The following CAP2 variants were observed in gnomAD, a reference collection of about 807,000 sequenced individuals.
The protein encoded by CAP2 is adenylyl cyclase-associated protein 2.
Under a neutral mutation model 57.7 loss-of-function variants are expected in CAP2, and 24 were observed. The ratio of observed to expected loss-of-function variants is 0.42; its 90% CI spans 0.30 to 0.58. The LOEUF is 0.58. Ranked by LOEUF, CAP2 falls within the 20% of genes least tolerant of loss-of-function variation. CAP2 has a pLI of 0.22. For synonymous variants in CAP2, 194 were observed against 207.2 expected (o/e 0.94, Z 0.55); for missense variants, 501 against 590.3 (o/e 0.85, Z 1.57).
intron 1 of CAP2, among the ~76,000 whole-genome samples, chr6:17,399,460 G>C (rs1758754688): frequency 6.6e-6 from 1 of 152,164 alleles, no homozygotes; most frequent in Non-Finnish European, 1.5e-5. Flanking sequence ...TTCTTTCACT[G>C]AGAAATTATG....
intron 4 of CAP2, among the ~76,000 whole-genome samples, chr6:17,491,996 T>C (rs565824863): frequency 1.3e-5 from 2 of 152,212 alleles, no homozygotes; most frequent in African/African-American, 4.8e-5. Context: ...GTCTATCCAG[T>C]TCAGCTGCTC....
chr6:17,445,011 C>T (rs1760216583), intron 3 of CAP2, among the ~76,000 whole-genome samples: 1 of 152,194 alleles, frequency 6.6e-6, no homozygotes, highest in South Asian at 2.1e-4. Context: ...CCTGAAAATT[C>T]ACCAATATAT....
At chr6:17,410,087 A>G (rs540060800) in intron 1 of CAP2, among the ~76,000 whole-genome samples, 12 of 152,108 alleles carry the variant, frequency 7.9e-5, no homozygotes, top group African/African-American at 2.9e-4. Context: ...GCCTTTACTT[A>G]TTTTTCTTCT....
intron 7 of CAP2, chr6:17,531,253 C>G: frequency 1.2e-6 from 1 of 805,974 alleles, no homozygotes; most frequent in Non-Finnish European, 2.2e-6. Flanking sequence ...AGCATGTTAA[C>G]TGAAGCCTTG....
chr6:17,397,848 G>C (rs1411491293), intron 1 of CAP2, among the ~76,000 whole-genome samples: 1 of 151,244 alleles, frequency 6.6e-6, no homozygotes, highest in Admixed American at 6.6e-5. Context: ...ATGCTGCTTT[G>C]AAGACTTTTT....
chr6:17,517,293 C>T (rs1299903822), intron 7 of CAP2, among the ~76,000 whole-genome samples: 1 of 152,142 alleles, frequency 6.6e-6, no homozygotes, highest in Non-Finnish European at 1.5e-5. Flanking sequence ...TCTAATGGTG[C>T]CCATGGAAAA....
chr6:17,531,781 A>G (rs556644343), intron 7 of CAP2: 4 of 575,412 alleles, frequency 7.0e-6, no homozygotes, highest in African/African-American at 3.7e-5. Context: ...TTCTCCTTTT[A>G]GGATAAAGAT....
chr6:17,412,772 G>A (rs1326480288), intron 1 of CAP2, among the ~76,000 whole-genome samples: 1 of 152,126 alleles, frequency 6.6e-6, no homozygotes, highest in East Asian at 1.9e-4. Flanking sequence ...GCAAATTAGG[G>A]ATGGTTCTGA....
intron 7 of CAP2, among the ~76,000 whole-genome samples, chr6:17,521,552 TACTA>T (rs1762392171): frequency 6.6e-6 from 1 of 152,222 alleles, no homozygotes; most frequent in South Asian, 2.1e-4. Flanking sequence ...CTTAAGCATC[TACTA>T]TGCACTGAGT....
chr6:17,511,262 A>T (rs1326390368), intron 6 of CAP2, among the ~76,000 whole-genome samples: 1 of 151,338 alleles, frequency 6.6e-6, no homozygotes, highest in Non-Finnish European at 1.5e-5. Context: ...TTACCGGTGG[A>T]CTCAAGCCCG....
chr6:17,452,024 T>C (rs1279154957), intron 3 of CAP2, among the ~76,000 whole-genome samples: 1 of 152,212 alleles, frequency 6.6e-6, no homozygotes, highest in African/African-American at 2.4e-5. Flanking sequence ...AGGACATTAT[T>C]TGAAAGTCTA....
chr6:17,424,881 C>T (rs1182648732), intron 2 of CAP2, among the ~76,000 whole-genome samples: 1 of 152,248 alleles, frequency 6.6e-6, no homozygotes, highest in Admixed American at 6.5e-5. Context: ...CAGCAGAGAT[C>T]CCCGCTCGGG....
At chr6:17,554,207 A>G (rs528597570) in intron 12 of CAP2, among the ~76,000 whole-genome samples, 3 of 152,236 alleles carry the variant, frequency 2.0e-5, no homozygotes, top group Admixed American at 6.5e-5. Flanking sequence ...CCCGGGCTCA[A>G]TCGATCTTCC....
chr6:17,552,271 A>C (rs1034582831), intron 12 of CAP2, among the ~76,000 whole-genome samples: 1 of 152,206 alleles, frequency 6.6e-6, no homozygotes, highest in African/African-American at 2.4e-5. Context: ...TCACACTTTG[A>C]AAAGGGAGTA....
At chr6:17,458,359 A>G (rs3777695) in intron 3 of CAP2, among the ~76,000 whole-genome samples, 20,437 of 152,112 alleles carry the variant, frequency 0.13, 4,433 homozygotes, top group African/African-American at 0.46. Flanking sequence ...AGAGACTTAT[A>G]TCTGTTGTGT....
chr6:17,473,415 C>T (rs1364446640), intron 4 of CAP2, among the ~76,000 whole-genome samples: 1 of 152,178 alleles, frequency 6.6e-6, no homozygotes, highest in Non-Finnish European at 1.5e-5. Context: ...TATTTGCTTG[C>T]TTAGCCACCA....
At chr6:17,433,625 T>C (rs1316022522) in intron 3 of CAP2, among the ~76,000 whole-genome samples, 2 of 152,212 alleles carry the variant, frequency 1.3e-5, no homozygotes, top group Non-Finnish European at 2.9e-5. Flanking sequence ...TTCTGCGCCT[T>C]TGCACTGGCG....
rs1762206150 is a variant in CAP2 at position 17,513,623 on chromosome 6, C to T, written c.531-226C>T. 1.3e-5 allele frequency among the ~76,000 whole-genome samples: 2 copies of T among 152,198 alleles called. No homozygotes were observed. The highest frequency in any genetic ancestry group is 2.1e-4 in the South Asian group (1 of 4,812). ...CTCTGTGGTACCTCTGCTCCATACCCGGAGCTCAGGGCATCCGGCCACCTG... is the reference window on the plus strand; with the variant it reads ...CTCTGTGGTACCTCTGCTCCATACCTGGAGCTCAGGGCATCCGGCCACCTG... On this transcript the variant is annotated intron_variant, in intron 6 of 12. Coordinates refer to ENST00000229922, the MANE Select transcript of CAP2 (RefSeq NM_006366.3). The surrounding 1 kb of genome is among the most constrained non-coding windows in gnomAD (Gnocchi z 4.3).
intron 4 of CAP2, among the ~76,000 whole-genome samples, chr6:17,493,012 A>C (rs563839167): frequency 7.2e-5 from 11 of 152,356 alleles, no homozygotes; most frequent in African/African-American, 2.6e-4. Context: ...GAAGGAAAAC[A>C]GAGGAGGACA....
Sources: gnomAD v4.1 joint callset for allele counts (sites outside exome capture counted in the v4.1 genomes callset) on GRCh38, gnomAD v4.1.1 for gene constraint, Gnocchi (gnomAD v3.1) non-coding constraint, MANE v1.5 for transcripts, NCBI Gene and HGNC (gene_info 2026-07-23, HGNC 2026-07-21) for gene names.